Variants in PRKCZ observed in about 807,000 individuals in gnomAD.
PRKCZ encodes protein kinase C zeta type.
PRKCZ carries 33 observed loss-of-function variants against 79.5 expected under a neutral mutation model. The observed-to-expected ratio is 0.41, with a 90% CI of 0.31 to 0.55. PRKCZ has a LOEUF of 0.55. Among genes scored for constraint, PRKCZ ranks in the 20% least tolerant of loss-of-function variants. PRKCZ has a pLI of 0.19. For missense variants in PRKCZ, 578 were observed against 813.5 expected, an observed-to-expected ratio of 0.71 and a Z score of 3.52; for synonymous variants, 342 against 320.9, an observed-to-expected ratio of 1.07 and a Z score of -0.70.
rs146562989 is a variant in PRKCZ, at chr1:2,139,964, G to A, written c.421-4246G>A. Among the ~76,000 whole-genome samples, 201 of 152,336 alleles carry A rather than the reference G, an allele frequency of 1.3e-3. 1 individual carries two copies. Among genetic ancestry groups the A allele is most frequent in the South Asian group, 6.6e-3 (32 of 4,830 alleles). Reference sequence around the variant, plus strand: ...TGGTGGCACATAGGGCACAAGTGCCGCAGGGACAGCTGGGTGGATGGCCCA... The same window carrying A: ...TGGTGGCACATAGGGCACAAGTGCCACAGGGACAGCTGGGTGGATGGCCCA... On this transcript the variant is annotated intron_variant, in intron 5 of 17. Transcript: ENST00000378567.
Position 2,173,789 on chromosome 1 carries a change from C to T in PRKCZ, c.1286-108C>T. On this transcript the variant is annotated intron_variant, in intron 13 of 17. Coordinates refer to ENST00000378567, the MANE Select transcript of PRKCZ (RefSeq NM_002744.6). This position sits in a 1 kb window ranked among gnomAD's most constrained non-coding sequence, Gnocchi z 5.7. ...GAGGCCTGTGTGCCGCCTGCTCAAG[C>T]CTGGCTCACACTCGTGTCAACTGGG... 1 of 1,456,652 alleles carries T rather than the reference C, an allele frequency of 6.9e-7. No individual in the cohort carries two copies. The highest frequency in any genetic ancestry group is 9.1e-7 in the Non-Finnish European group (1 of 1,094,890). The allele number at this position is 1,456,652 out of a possible 1,614,324, so 90.2% of individuals were successfully genotyped here. A position where few individuals can be genotyped will look rare whatever the true frequency, so the allele number is the denominator to read the frequency against.
At chr1:2,151,704 C>T (rs1679939502) in intron 9 of PRKCZ, among the ~76,000 whole-genome samples, 1 of 152,146 alleles carries the variant, frequency 6.6e-6, no homozygotes, top group Non-Finnish European at 1.5e-5. Context: ...CTCTGTCACC[C>T]AGACTGGAGT....
intron 16 of PRKCZ, chr1:2,182,047 T>C (rs1686713047): frequency 5.8e-6 from 2 of 343,476 alleles, no homozygotes; most frequent in Non-Finnish European, 1.2e-5. Context: ...CTGACACGTG[T>C]CCAGCCTTAC....
chr1:2,142,505 T>G (rs1317451320), intron 5 of PRKCZ: 1 of 297,250 alleles, frequency 3.4e-6, no homozygotes, highest in African/African-American at 2.3e-5. Context: ...AGGTGCCGAC[T>G]GGGGCAAAAC....
intron 1 of PRKCZ, among the ~76,000 whole-genome samples, chr1:2,051,940 A>G (rs1659702620): frequency 6.6e-6 from 1 of 152,182 alleles, no homozygotes. Context: ...TGCCAGAACC[A>G]GAAGAAAGGG....
chr1:2,052,616 A>T (rs1376467545), intron 1 of PRKCZ, among the ~76,000 whole-genome samples: 1 of 151,062 alleles, frequency 6.6e-6, no homozygotes, highest in Non-Finnish European at 1.5e-5. Flanking sequence ...TCTGCTGCAG[A>T]GTGTGAAGTA....
intron 3 of PRKCZ, among the ~76,000 whole-genome samples, chr1:2,056,979 C>T (rs1381468351): frequency 1.3e-5 from 2 of 152,202 alleles, no homozygotes; most frequent in African/African-American, 4.8e-5. Flanking sequence ...CTGCCTGCCT[C>T]AGCCTCCCAA....
At chr1:2,140,610 A>G (rs557033388) in intron 5 of PRKCZ, among the ~76,000 whole-genome samples, 4 of 151,944 alleles carry the variant, frequency 2.6e-5, no homozygotes, top group Non-Finnish European at 4.4e-5. Flanking sequence ...TGAGCTGAGA[A>G]CATGCCACTG....
rs1207599953 is a variant in PRKCZ at position 2,175,363 on chromosome 1, A to ACCCCAAT, written c.1575+50_1575+51insCCCCAAT. 4 of 1,470,990 alleles carry ACCCCAAT rather than the reference A, an allele frequency of 2.7e-6. No individual in the cohort carries two copies. The African/African-American group carries it at 5.7e-5, about 21-fold the overall frequency. The allele number at this position is 1,470,990 out of a possible 1,614,324, so 91.1% of individuals were successfully genotyped here. A position where few individuals can be genotyped will look rare whatever the true frequency, so the allele number is the denominator to read the frequency against. On this transcript the variant is annotated intron_variant, in intron 16 of 17. Transcript: ENST00000378567. ...CACCCCCATCCCCATCCCAACCCCA[A>ACCCCAAT]ATCTACCCAACCCCCATCCCAACCC...
At chr1:2,138,916 C>T (rs766420879) in intron 5 of PRKCZ, among the ~76,000 whole-genome samples, 15 of 152,194 alleles carry the variant, frequency 9.9e-5, no homozygotes, top group South Asian at 4.1e-4. Context: ...AGTGAGACTC[C>T]GTCTCAAATA....
At chr1:2,135,215 C>T (rs765583968) in intron 4 of PRKCZ, 47 bp from the exon 5 acceptor site, 4 of 1,538,542 alleles carry the variant, frequency 2.6e-6, no homozygotes, top group African/African-American at 2.7e-5. Flanking sequence ...TGCGTGGGCT[C>T]GTGGCTGCCA....
intron 4 of PRKCZ, among the ~76,000 whole-genome samples, chr1:2,067,530 C>T (rs1306332447): frequency 8.5e-5 from 13 of 152,130 alleles, no homozygotes; most frequent in South Asian, 2.1e-4. Flanking sequence ...GCATCTGTGG[C>T]GGCCTCAGTG....
At chr1:2,148,522 A>T (rs1388340654) in intron 7 of PRKCZ, among the ~76,000 whole-genome samples, 1 of 152,164 alleles carries the variant, frequency 6.6e-6, no homozygotes, top group Non-Finnish European at 1.5e-5. Flanking sequence ...CCAGGCCTCC[A>T]TTCATCCCCC....
chr1:2,119,150 G>T (rs1671343855), intron 4 of PRKCZ, among the ~76,000 whole-genome samples: 1 of 150,810 alleles, frequency 6.6e-6, no homozygotes, highest in Admixed American at 6.6e-5. Flanking sequence ...TCCTTGGAAC[G>T]TAGCATAAAC....
At chr1:2,085,544 T>A (rs1173381449) in intron 4 of PRKCZ, among the ~76,000 whole-genome samples, 1 of 152,244 alleles carries the variant, frequency 6.6e-6, no homozygotes, top group East Asian at 1.9e-4. Context: ...CCTCTGAAGA[T>A]GCCTGCTCAG....
At chr1:2,132,558 G>A (rs1675207243) in intron 4 of PRKCZ, among the ~76,000 whole-genome samples, 1 of 152,194 alleles carries the variant, frequency 6.6e-6, no homozygotes, top group Middle Eastern at 3.2e-3. Context: ...GCGGCCTTGC[G>A]GGTTGCTTCG....
rs904415878 is a variant in PRKCZ, at chr1:2,050,676, G to T, written c.46G>T (p.Val16Phe). 1 of 1,227,688 alleles carries T rather than the reference G, an allele frequency of 8.1e-7. No homozygotes were observed. Among genetic ancestry groups the T allele is most frequent in the Non-Finnish European group, 1.0e-6 (1 of 985,156 alleles). The allele number at this position is 1,227,688 out of a possible 1,614,324, so 76.0% of individuals were successfully genotyped here. The change falls in exon 1 of 18, where the codon GTC becomes TTC. Residue 16 changes from valine to phenylalanine, a missense_variant. Physicochemically the swap from Val to Phe is conservative, Grantham distance 50. Coordinates refer to ENST00000378567, the MANE Select transcript of PRKCZ (RefSeq NM_002744.6). The part of the protein sequence containing the change: ...GPKMEGSGGR[V>F]RLKAHYGGDI... ...CAAGATGGAAGGGAGCGGCGGCCGC[G>T]TCCGCCTCAAGGCGCATTACGGGGG...
rs1481304790 is a variant in PRKCZ at position 2,144,192 on chromosome 1, C to G, written c.421-18C>G. On this transcript the variant is annotated intron_variant, in intron 5 of 17. Transcript: ENST00000378567. Reference sequence around the variant, plus strand: ...CCCTCAGTGTGGCCTGGGCCTGACGCTCTGTTCCCACCTGCAGAGAGCGTA... The same window carrying G: ...CCCTCAGTGTGGCCTGGGCCTGACGGTCTGTTCCCACCTGCAGAGAGCGTA... 1 of 1,550,610 alleles carries G rather than the reference C, an allele frequency of 6.4e-7. No individual in the cohort carries two copies. Among genetic ancestry groups the G allele is most frequent in the East Asian group, 2.4e-5 (1 of 40,902 alleles).
At chr1:2,070,106 C>A (rs1452855365) in intron 4 of PRKCZ, among the ~76,000 whole-genome samples, 1 of 152,178 alleles carries the variant, frequency 6.6e-6, no homozygotes, top group African/African-American at 2.4e-5. Context: ...GCCGCAGACC[C>A]CACTTAGCAG....
Sources: allele counts gnomAD v4.1 joint callset (sites outside exome capture counted in the v4.1 genomes callset), GRCh38; gene constraint gnomAD v4.1.1; non-coding constraint Gnocchi (gnomAD v3.1); transcripts MANE v1.5; gene names NCBI Gene and HGNC (gene_info 2026-07-23, HGNC 2026-07-21).